PTPN21: variants seen among roughly 807,000 people sequenced by gnomAD.
PTPN21 encodes the protein protein tyrosine phosphatase non-receptor type 21.
PTPN21 carries 77 observed loss-of-function variants against 131.8 expected under a neutral mutation model. That is an observed-to-expected ratio of 0.58 (90% CI 0.49 to 0.71). The LOEUF is 0.71. PTPN21 is among the 30% of genes least tolerant of loss of function. The pLI is 0.00. For missense variants in PTPN21, 1,552 were observed against 1,527.1 expected (o/e 1.02, Z -0.27); for synonymous variants, 715 against 621.3 (o/e 1.15, Z -2.24).
At chr14:88,481,930 C>A (rs2077658017) in intron 12 of PTPN21, among the ~76,000 whole-genome samples, 1 of 152,212 alleles carries the variant, frequency 6.6e-6, no homozygotes, top group African/African-American at 2.4e-5. Context: ...AGGCTCTCTT[C>A]CAACTGCAAC....
At chr14:88,543,301 G>C (rs952118285) in intron 2 of PTPN21, among the ~76,000 whole-genome samples, 1 of 152,130 alleles carries the variant, frequency 6.6e-6, no homozygotes, top group Admixed American at 6.5e-5. Context: ...TGAGGAAGCT[G>C]ACACTCCCTT....
intron 2 of PTPN21, among the ~76,000 whole-genome samples, chr14:88,530,173 A>T (rs2078534959): frequency 6.6e-6 from 1 of 151,002 alleles, no homozygotes; most frequent in South Asian, 2.1e-4. Flanking sequence ...TATCCAGCAA[A>T]ACCAAGCTTC....
In PTPN21 at chr14:88,545,835, C is replaced by T. The variant is rs374714665; in HGVS notation, c.180+4403G>A. 3.9e-5 allele frequency among the ~76,000 whole-genome samples: 6 copies of T among 151,920 alleles called. No individual in the cohort carries two copies. In the East Asian group the frequency reaches 1.2e-3, roughly 29 times the overall value. ...ATTAGCCGGGCGTGGTGGCATGCGC[C>T]TATAGTCCCAGTTACTTGGGAGGCT... On this transcript the variant is annotated intron_variant, in intron 2 of 18. Coordinates refer to ENST00000556564, the MANE Select transcript of PTPN21 (RefSeq NM_007039.4).
chr14:88,538,826 T>C lies in PTPN21; in HGVS notation c.180+11412A>G, dbSNP rs373070388. Among the ~76,000 whole-genome samples the C allele has an allele frequency of 9.8e-5, 15 of 152,296 alleles. No homozygotes were observed. In the East Asian group the frequency reaches 1.4e-3, roughly 14 times the overall value. ...ATACCTTTGTGTCTCAGTTTTCCCA[T>C]CAGTAAAATGGAGATGAGCATAACA... On this transcript the variant is annotated intron_variant, in intron 2 of 18. Transcript: ENST00000556564.
intron 1 of PTPN21, among the ~76,000 whole-genome samples, chr14:88,552,645 T>C (rs2078884402): frequency 6.6e-6 from 1 of 152,320 alleles, no homozygotes; most frequent in South Asian, 2.1e-4. Context: ...ACTGTGTTAA[T>C]TAACCGCATT....
At chr14:88,516,412 T>C (rs2078270324) in intron 3 of PTPN21, among the ~76,000 whole-genome samples, 1 of 152,132 alleles carries the variant, frequency 6.6e-6, no homozygotes, top group Admixed American at 6.5e-5. Flanking sequence ...CGTTCAAAAG[T>C]AACATTAAAT....
chr14:88,506,660 G>A (rs574940320), intron 4 of PTPN21, among the ~76,000 whole-genome samples: 1 of 152,198 alleles, frequency 6.6e-6, no homozygotes, highest in Admixed American at 6.5e-5. Flanking sequence ...AGTGGGGTGA[G>A]GGATAAAAGT....
In PTPN21 at chr14:88,469,199, G is replaced by A. The variant is rs1279999838; in HGVS notation, c.3236-123C>T. The A allele has an allele frequency of 1.8e-6, 2 of 1,084,326 alleles. No homozygotes were observed. The highest frequency in any genetic ancestry group is 3.2e-5 in the African/African-American group (2 of 62,796). 67.2% of individuals were successfully genotyped at this position (1,084,326 alleles called of 1,614,324 possible). Reference sequence around the variant, plus strand: ...CAGATAAAGAGCACTGGGTGCCAGTGAACCAAACCCAACCACAAAGGGACA... The same window carrying A: ...CAGATAAAGAGCACTGGGTGCCAGTAAACCAAACCCAACCACAAAGGGACA... On this transcript the variant is annotated intron_variant, in intron 17 of 18. Transcript: ENST00000556564. The surrounding 1 kb of genome is among the most constrained non-coding windows in gnomAD (Gnocchi z 4.3).
In PTPN21 at chr14:88,468,277, GA is replaced by G; in HGVS notation, c.3397-13del. 6.3e-7 allele frequency: 1 copy of G among 1,587,792 alleles called. No homozygotes were observed. The highest frequency in any genetic ancestry group is 8.6e-7 in the Non-Finnish European group (1 of 1,168,062). On this transcript the variant is annotated splice_polypyrimidine_tract_variant and intron_variant, in intron 18 of 18. Coordinates refer to ENST00000556564, the MANE Select transcript of PTPN21 (RefSeq NM_007039.4). Reference sequence around the variant, plus strand: ...GGGATGTCCAGCACCTAGGTTGAGAGAAACGGTAATGAAGATAATGTGTTCC... The same window carrying G: ...GGGATGTCCAGCACCTAGGTTGAGAGAACGGTAATGAAGATAATGTGTTCC...
intron 1 of PTPN21, 51 bp downstream of exon 1, chr14:88,554,600 C>T (rs2078901065): frequency 6.7e-6 from 1 of 150,106 alleles, no homozygotes; most frequent in Admixed American, 6.6e-5. Flanking sequence ...CACACCCCAC[C>T]GCTCGGGCCA....
intron 10 of PTPN21, among the ~76,000 whole-genome samples, chr14:88,492,632 T>C (rs1175155234): frequency 2.6e-5 from 4 of 152,216 alleles, no homozygotes; most frequent in African/African-American, 4.8e-5. Flanking sequence ...ACACTGCTGC[T>C]CCTGCCCAGA....
chr14:88,493,235 GAATTATTCAGGTCATTGTTATA>G (rs1255573274), intron 10 of PTPN21: 2 of 347,492 alleles, frequency 5.8e-6, no homozygotes, highest in African/African-American at 4.3e-5. Flanking sequence ...TTATTGTTAT[GAATTATTCAGGTCATTGTTATA>G]AAAGAGGTAG....
At chr14:88,499,829 T>C (rs1002035992) in intron 8 of PTPN21, among the ~76,000 whole-genome samples, 2 of 152,312 alleles carry the variant, frequency 1.3e-5, no homozygotes, top group African/African-American at 2.4e-5. Flanking sequence ...TTTTAAGGAA[T>C]TAAAGGTAGG....
At position 88,479,411 on chromosome 14, in the gene PTPN21, G is replaced by T; in HGVS notation, c.2020C>A (p.Gln674Lys). Residue 674 changes from glutamine to lysine, a missense_variant, in exon 13 of 19, where the codon CAG (glutamine) becomes AAG (lysine). This residue lies in a region of PTPN21 where 1,016 missense variants were observed against 883.5 expected (regional missense o/e 1.15). Transcript: ENST00000556564. ...GTCCTCTCGGTGAAAACGCTGGGCT[G>T]GGAGCCCACCGAGACGGCTCGCGGC... ...VAPRAVSVGS[Q>K]PSVFTERTQR... 2 of 1,603,364 alleles carry T rather than the reference G, an allele frequency of 1.2e-6. No individual in the cohort carries two copies.
At chr14:88,518,243 A>AG (rs2078311928) in intron 2 of PTPN21, among the ~76,000 whole-genome samples, 2 of 76,888 alleles carry the variant, frequency 2.6e-5, no homozygotes, top group African/African-American at 1.2e-4. Context: ...AAAAAAAAAA[A>AG]AAAAAAAAAA....
intron 2 of PTPN21, among the ~76,000 whole-genome samples, chr14:88,519,592 G>GA (rs1202557598): frequency 6.6e-6 from 1 of 152,076 alleles, no homozygotes; most frequent in African/African-American, 2.4e-5. Context: ...ATTTGCAAGG[G>GA]AAAAGATTAT....
intron 10 of PTPN21, among the ~76,000 whole-genome samples, chr14:88,494,227 G>A (rs2077868580): frequency 6.6e-6 from 1 of 152,140 alleles, no homozygotes; most frequent in Non-Finnish European, 1.5e-5. Context: ...CCTGGGAAAA[G>A]AGCAAGGACA....
intron 12 of PTPN21, among the ~76,000 whole-genome samples, chr14:88,482,839 C>T (rs905181025): frequency 4.0e-5 from 6 of 151,448 alleles, no homozygotes. Context: ...TCCCAGAGGG[C>T]CGCTTTAACA....
At chr14:88,507,627 C>T (rs145806967) in intron 4 of PTPN21, among the ~76,000 whole-genome samples, 74 of 152,224 alleles carry the variant, frequency 4.9e-4, no homozygotes, top group Non-Finnish European at 6.8e-4. Flanking sequence ...AAATGTCATT[C>T]GGCATATGAT....
Sources: allele counts gnomAD v4.1 joint callset (sites outside exome capture counted in the v4.1 genomes callset), GRCh38; gene constraint gnomAD v4.1.1; regional missense constraint gnomAD v4.1.1; non-coding constraint Gnocchi (gnomAD v3.1); transcripts MANE v1.5; gene names NCBI Gene and HGNC (gene_info 2026-07-23, HGNC 2026-07-21).